Variants in PDZD2 observed in about 807,000 individuals in gnomAD.
PDZD2 encodes the protein PDZ domain-containing protein 2.
In PDZD2, 90 loss-of-function variants were observed where a neutral mutation model predicts 220.7. That is an observed-to-expected ratio of 0.41 (90% CI 0.34 to 0.49). PDZD2 has a LOEUF of 0.49. Among genes scored for constraint, PDZD2 ranks in the 20% least tolerant of loss-of-function variants. PDZD2 has a pLI of 0.28. For synonymous variants in PDZD2, 1,375 were observed against 1,450.5 expected (o/e 0.95, Z 1.18); for missense variants, 3,174 against 3,608.5 (o/e 0.88, Z 3.08).
At chr5:31,756,380 C>T (rs948946731) in intron 1 of PDZD2, among the ~76,000 whole-genome samples, 1 of 152,208 alleles carries the variant, frequency 6.6e-6, no homozygotes, top group Admixed American at 6.5e-5. Context: ...ATTCCCAGCA[C>T]TACCAATGCG....
rs558385222 is a variant in PDZD2, at chr5:31,853,291, G to T, written c.476+53567G>T. 3.3e-5 allele frequency among the ~76,000 whole-genome samples: 5 copies of T among 152,280 alleles called. No individual in the cohort carries two copies. In the South Asian group the frequency reaches 1.0e-3, roughly 32 times the overall value. ...GATGTTTGGAGGACTGGTCTACAAAGCTTGTTCTCACTGGGCACATGTAGT... is the reference window on the plus strand; with the variant it reads ...GATGTTTGGAGGACTGGTCTACAAATCTTGTTCTCACTGGGCACATGTAGT... On this transcript the variant is annotated intron_variant, in intron 2 of 24. Transcript: ENST00000438447.
intron 5 of PDZD2, among the ~76,000 whole-genome samples, chr5:32,007,798 T>C (rs546712363): frequency 6.6e-6 from 1 of 152,290 alleles, no homozygotes; most frequent in Non-Finnish European, 1.5e-5. Flanking sequence ...ATGGATTCGC[T>C]CTAGAGCCCC....
chr5:31,698,275 T>G (rs553625500), intron 1 of PDZD2, among the ~76,000 whole-genome samples: 1 of 149,832 alleles, frequency 6.7e-6, no homozygotes, highest in Admixed American at 6.6e-5. Context: ...CGAATTTTAC[T>G]AGGTTCTGCC....
At chr5:31,895,079 G>C (rs564130674) in intron 2 of PDZD2, among the ~76,000 whole-genome samples, 3 of 152,060 alleles carry the variant, frequency 2.0e-5, no homozygotes, top group Admixed American at 2.0e-4. Context: ...TAGTAGAGAC[G>C]GGATTTCACC....
intron 6 of PDZD2, among the ~76,000 whole-genome samples, chr5:32,023,942 G>A (rs1011929119): frequency 7.2e-5 from 11 of 152,150 alleles, no homozygotes; most frequent in Admixed American, 3.3e-4. Flanking sequence ...GCTCTGTCCC[G>A]CCTGGGACGT....
intron 1 of PDZD2, among the ~76,000 whole-genome samples, chr5:31,684,018 A>G (rs253907): frequency 0.96 from 145,532 of 152,108 alleles, 69,981 homozygotes; most frequent in East Asian, 1. Context: ...TGGGAACTTG[A>G]GTGTTTTTCC....
At chr5:31,953,584 A>G (rs188380463) in intron 2 of PDZD2, among the ~76,000 whole-genome samples, 5 of 152,156 alleles carry the variant, frequency 3.3e-5, no homozygotes, top group East Asian at 3.9e-4. Context: ...GGAGACCAAG[A>G]TGAGAGGATT....
chr5:31,726,400 A>G (rs1445112208), intron 1 of PDZD2, among the ~76,000 whole-genome samples: 1 of 152,164 alleles, frequency 6.6e-6, no homozygotes, highest in African/African-American at 2.4e-5. Flanking sequence ...GTGGTGATGC[A>G]TGCTTGTAAT....
chr5:31,799,657 C>T lies in PDZD2; in HGVS notation c.409C>T (p.Arg137Ter), dbSNP rs764974350. The T allele has an allele frequency of 6.2e-6, 10 of 1,613,918 alleles. 1 individual carries two copies. Among genetic ancestry groups the T allele is most frequent in the Admixed American group, 5.0e-5 (3 of 59,982 alleles). Residue 137 changes from arginine (R) to a stop codon, truncating the protein, a stop_gained, in exon 2 of 25, where the codon CGA (arginine) becomes TGA (stop). Transcript: ENST00000438447. LOFTEE classifies it high-confidence loss of function. ...NSPAGKSGKV[R>*]LRDEILSLNG... Reference sequence around the variant, plus strand: ...CCCAGCAGGGAAGAGTGGGAAGGTCCGACTGCGGGATGAGATCCTCTCACT... The same window carrying T: ...CCCAGCAGGGAAGAGTGGGAAGGTCTGACTGCGGGATGAGATCCTCTCACT...
chr5:31,719,368 C>G (rs1748643091), intron 1 of PDZD2, among the ~76,000 whole-genome samples: 1 of 152,132 alleles, frequency 6.6e-6, no homozygotes, highest in Non-Finnish European at 1.5e-5. Flanking sequence ...TGGAACTAAG[C>G]AGACTAGAGG....
At chr5:31,727,398 A>G (rs1371531863) in intron 1 of PDZD2, among the ~76,000 whole-genome samples, 2 of 152,208 alleles carry the variant, frequency 1.3e-5, no homozygotes, top group Non-Finnish European at 1.5e-5. Flanking sequence ...CATATAATGA[A>G]GCTGGGCTCT....
chr5:32,042,444 G>A (rs1337151331), intron 7 of PDZD2, among the ~76,000 whole-genome samples: 1 of 151,606 alleles, frequency 6.6e-6, no homozygotes, highest in East Asian at 1.9e-4. Context: ...GTGGTGGCAT[G>A]CGCCTATAAT....
At chr5:31,928,398 T>G (rs1229863161) in intron 2 of PDZD2, among the ~76,000 whole-genome samples, 2 of 152,182 alleles carry the variant, frequency 1.3e-5, no homozygotes, top group African/African-American at 4.8e-5. Context: ...ATAGAGCATC[T>G]CCTTCTTTCA....
chr5:32,014,653 T>C (rs56164157), intron 6 of PDZD2, among the ~76,000 whole-genome samples: 4 of 150,840 alleles, frequency 2.7e-5, no homozygotes, highest in African/African-American at 9.8e-5. Context: ...TTCTACCTGA[T>C]TGGCAGTTCT....
intron 2 of PDZD2, among the ~76,000 whole-genome samples, chr5:31,881,580 G>A (rs62361606): frequency 0.032 from 4,844 of 151,702 alleles, 118 homozygotes; most frequent in Non-Finnish European, 0.047. Context: ...GTTTCACCAT[G>A]TTGGCCAGAC....
intron 1 of PDZD2, among the ~76,000 whole-genome samples, chr5:31,768,701 T>C (rs564961879): frequency 2.4e-4 from 37 of 151,226 alleles, no homozygotes; most frequent in African/African-American, 7.3e-4. Flanking sequence ...GAGGCTGAAC[T>C]GATGCCTGGT....
Position 32,096,370 on chromosome 5 carries a change from G to A in PDZD2, c.7846-909G>A, listed in dbSNP as rs562093237. On this transcript the variant is annotated intron_variant, in intron 21 of 24. Transcript: ENST00000438447. ...CTCACTCCATCACCCAGGCTGGAGT[G>A]CAACTGGCATGATCTCCACTCACTG... 1.9e-4 allele frequency among the ~76,000 whole-genome samples: 29 copies of A among 152,154 alleles called. No individual in the cohort carries two copies. The East Asian group carries it at 3.1e-3, about 16-fold the overall frequency.
At chr5:31,777,505 C>T (rs561605504) in intron 1 of PDZD2, among the ~76,000 whole-genome samples, 6 of 152,336 alleles carry the variant, frequency 3.9e-5, no homozygotes, top group East Asian at 1.9e-4. Context: ...GGTGCAGGTG[C>T]GTGGCATGGG....
intron 2 of PDZD2, among the ~76,000 whole-genome samples, chr5:31,934,274 G>A (rs946455134): frequency 2.0e-5 from 3 of 152,078 alleles, no homozygotes; most frequent in Non-Finnish European, 2.9e-5. Context: ...AGGAGTCCAC[G>A]CTTTCCTGAA....
Sources: allele counts gnomAD v4.1 joint callset (sites outside exome capture counted in the v4.1 genomes callset), GRCh38; gene constraint gnomAD v4.1.1; transcripts MANE v1.5; gene names NCBI Gene and HGNC (gene_info 2026-07-23, HGNC 2026-07-21).